RBFOX1: variants seen among roughly 807,000 people sequenced by gnomAD.
RBFOX1 encodes the protein RNA binding protein fox-1 homolog 1.
In RBFOX1, 8 loss-of-function variants were observed where a neutral mutation model predicts 57.7. The observed-to-expected ratio is 0.14, with a 90% CI of 0.08 to 0.25. The LOEUF (loss-of-function observed/expected upper bound fraction) is 0.25. Among genes scored for constraint, RBFOX1 ranks in the 10% least tolerant of loss-of-function variants. RBFOX1 has a pLI of 1.00. For synonymous variants in RBFOX1, 326 were observed against 222.4 expected (o/e 1.47, Z -4.15); for missense variants, 611 against 548.5 (o/e 1.11, Z -1.14).
intron 4 of RBFOX1, among the ~76,000 whole-genome samples, chr16:7,291,350 C>G (rs1030889699): frequency 1.3e-5 from 2 of 152,106 alleles, no homozygotes; most frequent in African/African-American, 4.8e-5. Context: ...AGACTGAGAG[C>G]AAAGGAACTT....
chr16:6,904,604 A>C, intron 3 of RBFOX1, among the ~76,000 whole-genome samples: 1 of 128,238 alleles, frequency 7.8e-6, no homozygotes, highest in South Asian at 2.4e-4. Flanking sequence ...CTCTCTAAAA[A>C]AAAAAAAAAA....
chr16:5,896,992 C>A (rs867390739), intron 4 of RBFOX1, among the ~76,000 whole-genome samples: 4 of 148,090 alleles, frequency 2.7e-5, no homozygotes, highest in Non-Finnish European at 4.4e-5. Context: ...GCTCTCCACC[C>A]CCCACTAAAA....
intron 4 of RBFOX1, chr16:7,510,322 T>G (rs11645106): frequency 0.066 from 65,247 of 982,876 alleles, 2,300 homozygotes; most frequent in East Asian, 0.13. Context: ...GGTATTTTTG[T>G]TTTTTTTTCC....
intron 5 of RBFOX1, among the ~76,000 whole-genome samples, chr16:7,541,667 A>G (rs1431453527): frequency 1.3e-5 from 2 of 152,240 alleles, no homozygotes; most frequent in Non-Finnish European, 2.9e-5. Context: ...TGTTTCGGGA[A>G]AGCTCAAAAG....
intron 3 of RBFOX1, among the ~76,000 whole-genome samples, chr16:6,689,247 G>A (rs60206145): frequency 1.3e-5 from 2 of 152,170 alleles, no homozygotes; most frequent in Middle Eastern, 3.4e-3. Context: ...AGTGGTTGCA[G>A]GATCCTGAGG....
At chr16:7,416,840 A>G (rs574255012) in intron 4 of RBFOX1, among the ~76,000 whole-genome samples, 16 of 152,250 alleles carry the variant, frequency 1.1e-4, no homozygotes, top group South Asian at 1.0e-3. Flanking sequence ...GGTTTGGTCT[A>G]TGCACGTAAC....
At chr16:5,485,092 A>C (rs1030655409) in intron 2 of RBFOX1, among the ~76,000 whole-genome samples, 1 of 151,888 alleles carries the variant, frequency 6.6e-6, no homozygotes, top group African/African-American at 2.4e-5. Flanking sequence ...CACGCCTGTA[A>C]TCCCAGCACT....
At chr16:6,599,835 G>C (rs933456689) in intron 2 of RBFOX1, among the ~76,000 whole-genome samples, 4 of 152,190 alleles carry the variant, frequency 2.6e-5, no homozygotes, top group African/African-American at 9.7e-5. Flanking sequence ...AGCTTAGAGA[G>C]CTGTGAGCAT....
At chr16:6,110,760 G>C (rs995780674) in intron 1 of RBFOX1, among the ~76,000 whole-genome samples, 2 of 152,106 alleles carry the variant, frequency 1.3e-5, no homozygotes, top group African/African-American at 4.8e-5. Flanking sequence ...GAGGACACTA[G>C]GCCATGCCTT....
intron 5 of RBFOX1, among the ~76,000 whole-genome samples, chr16:7,557,291 A>T (rs1239423342): frequency 6.6e-6 from 1 of 152,130 alleles, no homozygotes; most frequent in Non-Finnish European, 1.5e-5. Flanking sequence ...TGGAAAAATG[A>T]CCAAAATACA....
At position 7,597,363 on chromosome 16, in the gene RBFOX1, G is replaced by A. The variant is rs1283928972; in HGVS notation, c.562-8G>A. ...ATATGTGCTTACTTGAGTTTTCTAT[G>A]TACATAGGTAAATAATGCCACAGCA... is the stretch of plus-strand genomic sequence containing the variant. On this transcript the variant is annotated splice_polypyrimidine_tract_variant and splice_region_variant and intron_variant, in intron 8 of 15. Coordinates refer to ENST00000550418, the MANE Select transcript of RBFOX1 (RefSeq NM_018723.4). The A allele has an allele frequency of 3.1e-6, 5 of 1,604,854 alleles. No individual in the cohort carries two copies. The highest frequency in any genetic ancestry group is 2.2e-5 in the South Asian group (2 of 90,084).
At chr16:6,001,680 A>C (rs544516575) in intron 4 of RBFOX1, among the ~76,000 whole-genome samples, 2 of 152,344 alleles carry the variant, frequency 1.3e-5, no homozygotes, top group East Asian at 3.9e-4. Flanking sequence ...TAGGATGTTA[A>C]TGTTTTCATT....
intron 4 of RBFOX1, among the ~76,000 whole-genome samples, chr16:7,341,237 C>G (rs1416176190): frequency 6.6e-6 from 1 of 152,164 alleles, no homozygotes; most frequent in East Asian, 1.9e-4. Flanking sequence ...AAACATTGAA[C>G]TCAATACTCT....
At chr16:7,007,663 C>T (rs1015602796) in intron 3 of RBFOX1, among the ~76,000 whole-genome samples, 6 of 152,134 alleles carry the variant, frequency 3.9e-5, no homozygotes, top group African/African-American at 1.4e-4. Context: ...TGTTTGGAAG[C>T]TCTTCTCTTT....
intron 2 of RBFOX1, among the ~76,000 whole-genome samples, chr16:5,557,184 C>T (rs914097076): frequency 6.6e-6 from 1 of 151,914 alleles, no homozygotes; most frequent in East Asian, 1.9e-4. Flanking sequence ...CGTTTGAACC[C>T]AGGAGGCAGA....
At chr16:6,814,946 A>G (rs931351632) in intron 3 of RBFOX1, among the ~76,000 whole-genome samples, 4 of 152,178 alleles carry the variant, frequency 2.6e-5, no homozygotes, top group African/African-American at 7.2e-5. Context: ...ATACAGGAAT[A>G]AAAGAATGGC....
intron 3 of RBFOX1, among the ~76,000 whole-genome samples, chr16:6,760,401 T>C (rs902869643): frequency 1.3e-5 from 2 of 152,232 alleles, no homozygotes; most frequent in Non-Finnish European, 2.9e-5. Flanking sequence ...TAACTATCTT[T>C]TAACTCTTGC....
At position 7,139,210 on chromosome 16, in the gene RBFOX1, T is replaced by TTG. The variant is rs996715608; in HGVS notation, c.27+87126_27+87127dup. Among the ~76,000 whole-genome samples the TTG allele has an allele frequency of 1.0e-3, 97 of 96,122 alleles. 1 individual carries two copies. The highest frequency in any genetic ancestry group is 0.011 in the Middle Eastern group (2 of 174). The allele number at this position is 96,122 out of a possible 152,430, so 63.1% of individuals were successfully genotyped here. A position where few individuals can be genotyped will look rare whatever the true frequency, so the allele number is the denominator to read the frequency against. ...TGTGTGTGTGTGTATGTGTGTGTGTTTGTGTGTGTGTGTGTCTGCTCCTCC... is the reference window on the plus strand; with the variant it reads ...TGTGTGTGTGTGTATGTGTGTGTGTTTGTGTGTGTGTGTGTGTCTGCTCCTCC... On this transcript the variant is annotated intron_variant, in intron 4 of 15. Transcript: ENST00000550418.
chr16:5,748,564 G>T (rs1253278929), intron 3 of RBFOX1, among the ~76,000 whole-genome samples: 1 of 152,134 alleles, frequency 6.6e-6, no homozygotes, highest in African/African-American at 2.4e-5. Flanking sequence ...GCTGTATTGG[G>T]TGCATATATA....
Sources: gnomAD v4.1 joint callset for allele counts (sites outside exome capture counted in the v4.1 genomes callset) on GRCh38, gnomAD v4.1.1 for gene constraint, MANE v1.5 for transcripts, NCBI Gene and HGNC (gene_info 2026-07-23, HGNC 2026-07-21) for gene names.